Variants in HIVEP2 observed in about 807,000 individuals in gnomAD.
HIVEP2 encodes transcription factor HIVEP2.
A neutral mutation model predicts 180.7 loss-of-function variants in HIVEP2; 14 were observed. The observed-to-expected ratio is 0.08, with a 90% CI of 0.05 to 0.12. The LOEUF is 0.12. HIVEP2 is among the 10% of genes least tolerant of loss of function. HIVEP2 has a pLI of 1.00. For synonymous variants in HIVEP2, 1,184 were observed against 1,136.4 expected, an observed-to-expected ratio of 1.04 and a Z score of -0.84; for missense variants, 2,579 against 3,008.5, an observed-to-expected ratio of 0.86 and a Z score of 3.34.
Position 142,759,938 on chromosome 6 carries a change from A to T in HIVEP2, c.6350T>A (p.Val2117Glu). ...PRRHLSPRRP[V>E]SPGKDITARR... is the part of the protein sequence containing the mutation. ...TGCTGTGATATCTTTCCCAGGAGAC[A>T]CTGGCCTCCTTGGAGACAAATGCCT... is the stretch of plus-strand genomic sequence containing the variant. Residue 2117 changes from valine (V) to glutamate (E), a missense_variant, in exon 9 of 10, where the codon GTG (valine) becomes GAG (glutamate). Around this residue, in one of 11 missense-constraint regions of HIVEP2, gnomAD observed 660 missense variants for 731.7 expected, o/e 0.90. Transcript: ENST00000367603. The T allele has an allele frequency of 6.2e-7, 1 of 1,613,978 alleles. No individual in the cohort carries two copies. Among genetic ancestry groups the T allele is most frequent in the Non-Finnish European group, 8.5e-7 (1 of 1,179,862 alleles).
chr6:142,905,419 G>T (rs1045795531), intron 1 of HIVEP2, among the ~76,000 whole-genome samples: 1 of 152,046 alleles, frequency 6.6e-6, no homozygotes, highest in African/African-American at 2.4e-5. Context: ...GCAAACGACC[G>T]GTGAGTTGAG....
Position 142,770,206 on chromosome 6 carries a change from C to A in HIVEP2, c.4533G>T (p.Gly1511=). Residue 1511 remains glycine, a synonymous_variant, in exon 5 of 10, where the codon GGG becomes GGT. Coordinates refer to ENST00000367603, the MANE Select transcript of HIVEP2 (RefSeq NM_006734.4). This position sits in a 1 kb window ranked among gnomAD's most constrained non-coding sequence, Gnocchi z 4.7. ...GCGACAGCGAGGAGAAGGAAGATGA[C>A]CCTGACTGCAAGCCATCTTTTGGCT... The part of the protein sequence containing the change: ...ASEPKDGLQS[G]SSSFSSLSPS... 1 of 1,614,194 alleles carries A rather than the reference C, an allele frequency of 6.2e-7. No homozygotes were observed. The highest frequency in any genetic ancestry group is 8.5e-7 in the Non-Finnish European group (1 of 1,180,040).
chr6:142,872,590 C>T (rs972618213), intron 1 of HIVEP2, among the ~76,000 whole-genome samples: 3 of 152,126 alleles, frequency 2.0e-5, no homozygotes, highest in East Asian at 3.8e-4. Context: ...TGAGCTCACC[C>T]GGAAGAAAAC....
intron 3 of HIVEP2, among the ~76,000 whole-genome samples, chr6:142,781,398 T>A (rs1423338859): frequency 6.6e-6 from 1 of 152,156 alleles, no homozygotes; most frequent in Non-Finnish European, 1.5e-5. Context: ...CAAATACAGT[T>A]TTGCATTCAC....
At chr6:142,825,148 T>C (rs904340349) in intron 2 of HIVEP2, among the ~76,000 whole-genome samples, 2 of 152,232 alleles carry the variant, frequency 1.3e-5, no homozygotes, top group African/African-American at 2.4e-5. Flanking sequence ...GGATATTTCC[T>C]AGACATCTGG....
chr6:142,768,115 G>T (rs1775419786), intron 6 of HIVEP2, among the ~76,000 whole-genome samples: 1 of 152,216 alleles, frequency 6.6e-6, no homozygotes, highest in Non-Finnish European at 1.5e-5. Flanking sequence ...CACCAATTTA[G>T]TAGATTTCAT....
At chr6:142,881,608 T>C (rs1776575800) in intron 1 of HIVEP2, among the ~76,000 whole-genome samples, 1 of 152,348 alleles carries the variant, frequency 6.6e-6, no homozygotes, top group East Asian at 1.9e-4. Flanking sequence ...TTCGAAAATA[T>C]GGTCTCTGAG....
At chr6:142,801,420 A>G (rs1364279606) in intron 2 of HIVEP2, among the ~76,000 whole-genome samples, 1 of 151,822 alleles carries the variant, frequency 6.6e-6, no homozygotes, top group African/African-American at 2.4e-5. Context: ...TCTCAAAAAA[A>G]AAAAAAAAAA....
At chr6:142,863,222 C>G (rs1203283326) in intron 1 of HIVEP2, among the ~76,000 whole-genome samples, 1 of 150,192 alleles carries the variant, frequency 6.7e-6, no homozygotes. Context: ...CCAGAGTACA[C>G]CACAAAATTT....
At chr6:142,775,185 A>AT (rs1775666908) in intron 4 of HIVEP2, 60 bp from the exon 5 acceptor site, 1 of 574,172 alleles carries the variant, frequency 1.7e-6, no homozygotes, top group Non-Finnish European at 2.2e-6. Context: ...AAACCAAAAA[A>AT]AAAAAAAACC....
At chr6:142,810,761 CAA>C (rs60893476) in intron 2 of HIVEP2, among the ~76,000 whole-genome samples, 32,466 of 100,662 alleles carry the variant, frequency 0.32, 3,521 homozygotes, top group East Asian at 0.55. Context: ...GACTCTGTCT[CAA>C]AAAAAAAAAA....
At chr6:142,781,783 C>G (rs1272305741) in intron 3 of HIVEP2, among the ~76,000 whole-genome samples, 1 of 152,072 alleles carries the variant, frequency 6.6e-6, no homozygotes, top group East Asian at 1.9e-4. Flanking sequence ...CAGACAGGGT[C>G]CCAAAGGAAA....
intron 1 of HIVEP2, among the ~76,000 whole-genome samples, chr6:142,912,887 C>T (rs777970611): frequency 2.6e-5 from 4 of 152,242 alleles, no homozygotes; most frequent in East Asian, 3.9e-4. Flanking sequence ...ATCATTCCTA[C>T]GAGGTAGATG....
intron 2 of HIVEP2, among the ~76,000 whole-genome samples, chr6:142,784,964 T>A (rs1306831473): frequency 6.6e-6 from 1 of 152,128 alleles, no homozygotes; most frequent in Non-Finnish European, 1.5e-5. Flanking sequence ...CTCGGCTCAC[T>A]GCAAGCTCTG....
chr6:142,833,282 C>T (rs181264863), intron 2 of HIVEP2, among the ~76,000 whole-genome samples: 206 of 152,306 alleles, frequency 1.4e-3, no homozygotes, highest in Non-Finnish European at 2.0e-3. Context: ...ACATGGAAGC[C>T]ATTTGCAGAC....
At chr6:142,815,959 T>C (rs1273644599) in intron 2 of HIVEP2, among the ~76,000 whole-genome samples, 1 of 152,238 alleles carries the variant, frequency 6.6e-6, no homozygotes, top group Non-Finnish European at 1.5e-5. Flanking sequence ...GCTATACACA[T>C]AACTTTGTAT....
At chr6:142,870,832 T>C (rs1422277113) in intron 1 of HIVEP2, among the ~76,000 whole-genome samples, 1 of 152,190 alleles carries the variant, frequency 6.6e-6, no homozygotes, top group East Asian at 1.9e-4. Flanking sequence ...CCCACACTCT[T>C]AACCCCTACC....
chr6:142,880,936 G>A (rs532628543), intron 1 of HIVEP2, among the ~76,000 whole-genome samples: 1 of 152,138 alleles, frequency 6.6e-6, no homozygotes, highest in Non-Finnish European at 1.5e-5. Flanking sequence ...GGGTTCAGAC[G>A]TAAGGCATCT....
intron 1 of HIVEP2, among the ~76,000 whole-genome samples, chr6:142,860,811 G>T (rs1268948568): frequency 2.6e-5 from 4 of 152,176 alleles, no homozygotes; most frequent in Non-Finnish European, 5.9e-5. Flanking sequence ...CCCAGGTACT[G>T]GGACCCCTGC....
Sources: allele counts gnomAD v4.1 joint callset (sites outside exome capture counted in the v4.1 genomes callset), GRCh38; gene constraint gnomAD v4.1.1; regional missense constraint gnomAD v4.1.1; non-coding constraint Gnocchi (gnomAD v3.1); transcripts MANE v1.5; gene names NCBI Gene and HGNC (gene_info 2026-07-23, HGNC 2026-07-21).